The following C5orf63 variants were observed in gnomAD, a reference collection of about 807,000 sequenced individuals.
C5orf63 encodes glutaredoxin-like protein C5orf63.
A neutral mutation model predicts 13.3 loss-of-function variants in C5orf63; 18 were observed. That is an observed-to-expected ratio of 1.36 (90% CI 0.94 to 2.01). C5orf63 has a LOEUF of 2.01. C5orf63 is among the 30% of genes most tolerant of loss of function. The pLI, the probability that C5orf63 is intolerant of heterozygous loss-of-function variation, is 0.00. For missense variants in C5orf63, 118 were observed against 127.7 expected (o/e 0.92, Z 0.36); for synonymous variants, 38 against 44.7 (o/e 0.85, Z 0.60).
chr5:127,065,644 G>C (rs1203497309), intron 2 of C5orf63, among the ~76,000 whole-genome samples: 8 of 152,142 alleles, frequency 5.3e-5, no homozygotes, highest in Admixed American at 3.9e-4. Context: ...TGGTGGTTAA[G>C]CAATGTGTGA....
chr5:127,062,899 G>A (rs1010166483), intron 2 of C5orf63, among the ~76,000 whole-genome samples: 1 of 151,914 alleles, frequency 6.6e-6, no homozygotes, highest in African/African-American at 2.4e-5. Flanking sequence ...TACACACACA[G>A]ACATGATTTT....
At chr5:127,053,360 A>ATTTAT (rs142046063) in intron 3 of C5orf63, among the ~76,000 whole-genome samples, 3 of 151,778 alleles carry the variant, frequency 2.0e-5, no homozygotes, top group Non-Finnish European at 4.4e-5. Context: ...GGCAGATTTT[A>ATTTAT]TTTATTTTAT....
At chr5:127,055,640 T>C (rs1030299267) in intron 3 of C5orf63, among the ~76,000 whole-genome samples, 1 of 152,158 alleles carries the variant, frequency 6.6e-6, no homozygotes, top group African/African-American at 2.4e-5. Flanking sequence ...GCATTAGCAA[T>C]ACATAGATTA....
chr5:127,045,413 C>G (rs1324137304), exon 5 of C5orf63: 1 of 152,214 alleles, frequency 6.6e-6, no homozygotes, highest in Non-Finnish European at 1.5e-5. Context: ...TTGTATCACT[C>G]CAACCTTTTG....
Position 127,052,614 on chromosome 5 carries a change from C to A in C5orf63, c.170G>T (p.Arg57Met), listed in dbSNP as rs1753719723. 1 of 1,500,018 alleles carries A rather than the reference C, an allele frequency of 6.7e-7. No individual in the cohort carries two copies. Among genetic ancestry groups the A allele is most frequent in the Non-Finnish European group, 8.8e-7 (1 of 1,133,392 alleles). The allele number at this position is 1,500,018 out of a possible 1,614,324, so 92.9% of individuals were successfully genotyped here. The change falls in exon 4 of 5, where the codon AGG becomes ATG. Residue 57 changes from arginine to methionine, a missense_variant and splice_region_variant. Arg to Met is a moderately conservative substitution (Grantham distance 91). Transcript: ENST00000296662. ...AAAAGCCACACTGTATTATATTACC[C>A]TGTTTTCATAAGGCTTGAGTACTTC... ...AKEVLKPYEN[R>M]FILQEVNITL...
chr5:127,060,380 C>CTG (rs1186567616), intron 2 of C5orf63, among the ~76,000 whole-genome samples: 1 of 152,210 alleles, frequency 6.6e-6, no homozygotes, highest in Non-Finnish European at 1.5e-5. Flanking sequence ...TTTGAAGCTT[C>CTG]CTCATCCTGC....
chr5:127,059,728 CAAA>C (rs58498141), intron 2 of C5orf63, among the ~76,000 whole-genome samples: 4 of 99,212 alleles, frequency 4.0e-5, no homozygotes, highest in Non-Finnish European at 2.1e-5. Flanking sequence ...GATCTTATCT[CAAA>C]AAAAAAAAAA....
chr5:127,053,796 G>T (rs1360781417), intron 3 of C5orf63, among the ~76,000 whole-genome samples: 2 of 152,158 alleles, frequency 1.3e-5, no homozygotes, highest in Non-Finnish European at 2.9e-5. Context: ...GTATTCCATG[G>T]TGTATATGTG....
At chr5:127,064,225 T>A (rs1264788010) in intron 2 of C5orf63, among the ~76,000 whole-genome samples, 1 of 152,114 alleles carries the variant, frequency 6.6e-6, no homozygotes, top group East Asian at 1.9e-4. Flanking sequence ...GAGTAAATAC[T>A]TTGATATGTC....
intron 3 of C5orf63, among the ~76,000 whole-genome samples, chr5:127,053,301 C>T (rs1753753129): frequency 6.6e-6 from 1 of 152,158 alleles, no homozygotes; most frequent in African/African-American, 2.4e-5. Context: ...ATTGTTTGCA[C>T]TCATAAACCA....
chr5:127,071,955 A>G (rs542363503), intron 1 of C5orf63: 8 of 152,246 alleles, frequency 5.3e-5, no homozygotes, highest in African/African-American at 1.9e-4. Context: ...ACACAGTCCA[A>G]TCAACTCCCA....
downstream of C5orf63, chr5:127,047,847 G>C (rs767670648): frequency 1.4e-4 from 99 of 703,720 alleles, 2 homozygotes; most frequent in South Asian, 1.2e-3. Context: ...AAGCCATGTG[G>C]GGGTGGGAAG....
chr5:127,063,659 T>C (rs1754197682), intron 2 of C5orf63, among the ~76,000 whole-genome samples: 1 of 152,192 alleles, frequency 6.6e-6, no homozygotes, highest in African/African-American at 2.4e-5. Context: ...CTTGGTTATT[T>C]AACAGATAAT....
chr5:127,061,885 A>T (rs1754122192), intron 2 of C5orf63, among the ~76,000 whole-genome samples: 1 of 152,236 alleles, frequency 6.6e-6, no homozygotes, highest in Non-Finnish European at 1.5e-5. Flanking sequence ...AATTAGTTTT[A>T]TTAAAGGTCC....
chr5:127,047,875 C>T (rs1210583797), downstream of C5orf63: 4 of 703,116 alleles, frequency 5.7e-6, no homozygotes, highest in African/African-American at 1.7e-5. Context: ...AGGGGAGCGT[C>T]TTCTCCTTGT....
chr5:127,047,665 A>T, downstream of C5orf63: 1 of 700,154 alleles, frequency 1.4e-6, no homozygotes, highest in Non-Finnish European at 2.6e-6. Flanking sequence ...TGGTGGATGA[A>T]TTTTTCACTG....
chr5:127,042,814 G>A (rs527664117), downstream of C5orf63: 6 of 152,248 alleles, frequency 3.9e-5, no homozygotes, highest in Admixed American at 2.0e-4. Flanking sequence ...ATGGTGAAGC[G>A]ATGTCTCCAT....
downstream of C5orf63, among the ~76,000 whole-genome samples, chr5:127,049,928 T>G (rs1031456013): frequency 6.6e-6 from 1 of 152,192 alleles, no homozygotes; most frequent in African/African-American, 2.4e-5. Flanking sequence ...TGTCCCTATC[T>G]TCCTGCTAGT....
chr5:127,044,074 C>A (rs1057195876), downstream of C5orf63: 1 of 152,300 alleles, frequency 6.6e-6, no homozygotes, highest in African/African-American at 2.4e-5. Context: ...ACAATGAGGC[C>A]ATGGGCTCAA....
Sources: gnomAD v4.1 joint callset for allele counts (sites outside exome capture counted in the v4.1 genomes callset) on GRCh38, gnomAD v4.1.1 for gene constraint, MANE v1.5 for transcripts, NCBI Gene and HGNC (gene_info 2026-07-23, HGNC 2026-07-21) for gene names.